DOCK2: variants seen among roughly 807,000 people sequenced by gnomAD.
The protein encoded by DOCK2 is dedicator of cytokinesis 2, also known as dedicator of cytokinesis protein 2.
DOCK2 carries 87 observed loss-of-function variants against 248.9 expected under a neutral mutation model. The ratio of observed to expected loss-of-function variants is 0.35; its 90% CI spans 0.29 to 0.42. The LOEUF (loss-of-function observed/expected upper bound fraction) is 0.42. DOCK2 is among the 10% of genes least tolerant of loss of function. DOCK2 has a pLI of 1.00. For missense variants in DOCK2, 1,747 were observed against 2,300.2 expected, an observed-to-expected ratio of 0.76 and a Z score of 4.92; for synonymous variants, 805 against 821.6, an observed-to-expected ratio of 0.98 and a Z score of 0.35.
intron 27 of DOCK2, among the ~76,000 whole-genome samples, chr5:169,912,123 A>G (rs566321638): frequency 8.5e-5 from 13 of 152,242 alleles, no homozygotes; most frequent in African/African-American, 3.1e-4. Context: ...GATACAAGGG[A>G]CCCTGGGTAT....
At chr5:169,865,687 G>A (rs974665690) in intron 27 of DOCK2, among the ~76,000 whole-genome samples, 3 of 152,222 alleles carry the variant, frequency 2.0e-5, no homozygotes, top group African/African-American at 7.2e-5. Context: ...GCCAGCGTGG[G>A]AGTGTGGGAA....
At chr5:169,701,683 T>A (rs1358228148) in intron 13 of DOCK2, among the ~76,000 whole-genome samples, 1 of 152,022 alleles carries the variant, frequency 6.6e-6, no homozygotes, top group South Asian at 2.1e-4. Context: ...CTCGGCTAAT[T>A]TTTTTGTATT....
intron 30 of DOCK2, among the ~76,000 whole-genome samples, chr5:169,998,199 G>A (rs527362639): frequency 6.6e-6 from 1 of 152,298 alleles, no homozygotes; most frequent in Non-Finnish European, 1.5e-5. Context: ...TTGTCTACCT[G>A]CGTATTTTCT....
chr5:170,030,486 A>G (rs1374412789), intron 34 of DOCK2, among the ~76,000 whole-genome samples: 1 of 152,184 alleles, frequency 6.6e-6, no homozygotes. Context: ...AATTATTAGT[A>G]GTACAGATTG....
intron 26 of DOCK2, among the ~76,000 whole-genome samples, chr5:169,805,822 T>C (rs1767323661): frequency 6.6e-6 from 1 of 152,226 alleles, no homozygotes; most frequent in Non-Finnish European, 1.5e-5. Context: ...TTGTGGCATC[T>C]GGACTTGAGG....
intron 1 of DOCK2, among the ~76,000 whole-genome samples, chr5:169,648,987 G>A (rs1010642571): frequency 6.6e-6 from 1 of 152,134 alleles, no homozygotes; most frequent in Non-Finnish European, 1.5e-5. Flanking sequence ...AGTCACCCTC[G>A]TGGATGCAAT....
At chr5:170,046,510 G>A (rs1476012717) in intron 39 of DOCK2, among the ~76,000 whole-genome samples, 2 of 152,130 alleles carry the variant, frequency 1.3e-5, no homozygotes, top group African/African-American at 4.8e-5. Flanking sequence ...CAGGACCCCA[G>A]GGACCCCTCT....
intron 27 of DOCK2, among the ~76,000 whole-genome samples, chr5:169,953,448 A>G (rs749152043): frequency 6.6e-6 from 1 of 152,158 alleles, no homozygotes; most frequent in Non-Finnish European, 1.5e-5. Flanking sequence ...AAATTGTTTC[A>G]GATCTCTAAA....
intron 44 of DOCK2, among the ~76,000 whole-genome samples, chr5:170,059,652 A>G (rs1191823566): frequency 6.6e-6 from 1 of 152,194 alleles, no homozygotes; most frequent in African/African-American, 2.4e-5. Context: ...GAAGACAGAT[A>G]TTTTGTCTAT....
rs371455117 is a variant in DOCK2, at chr5:169,643,062, G to A, written c.43+5693G>A. 2.6e-5 allele frequency among the ~76,000 whole-genome samples: 4 copies of A among 152,244 alleles called. 1 individual carries two copies. In the South Asian group the frequency reaches 6.2e-4, roughly 24 times the overall value. On this transcript the variant is annotated intron_variant, in intron 1 of 51. Coordinates refer to ENST00000520908, the MANE Select transcript of DOCK2 (RefSeq NM_004946.3). ...CACGCAACTCCAGAGGAGTCTGGGC[G>A]GAGACACCACAAATGTTCCCTTTAA...
chr5:170,046,960 A>G (rs1395417211), intron 39 of DOCK2, among the ~76,000 whole-genome samples: 2 of 152,186 alleles, frequency 1.3e-5, no homozygotes, highest in African/African-American at 2.4e-5. Context: ...TTCAGGGCCA[A>G]CTGCAGTTAT....
At chr5:170,080,581 G>T in intron 50 of DOCK2, 2 of 373,358 alleles carry the variant, frequency 5.4e-6, no homozygotes, top group Non-Finnish European at 9.9e-6. Flanking sequence ...TTCTCAGTTA[G>T]CCAGGCCTCC....
intron 33 of DOCK2, among the ~76,000 whole-genome samples, chr5:170,024,583 G>A (rs999954257): frequency 2.6e-5 from 4 of 152,050 alleles, no homozygotes; most frequent in East Asian, 1.9e-4. Flanking sequence ...TGCCTTATAC[G>A]TGTGTTTGCC....
chr5:169,864,154 G>A, intron 27 of DOCK2: 15 of 904,624 alleles, frequency 1.7e-5, no homozygotes, highest in Non-Finnish European at 2.6e-5. Context: ...TGTTTCACAG[G>A]CCAAGGGGCT....
At chr5:169,783,859 A>C (rs1192391891) in intron 25 of DOCK2, among the ~76,000 whole-genome samples, 1 of 152,220 alleles carries the variant, frequency 6.6e-6, no homozygotes, top group Non-Finnish European at 1.5e-5. Flanking sequence ...ATACTTAACT[A>C]ATTTTTAACT....
At chr5:169,676,682 C>A (rs11956275) in intron 6 of DOCK2, among the ~76,000 whole-genome samples, 2 of 152,130 alleles carry the variant, frequency 1.3e-5, no homozygotes, top group South Asian at 2.1e-4. Flanking sequence ...AGCCTGGGAA[C>A]ACCCACCTCC....
Position 169,930,426 on chromosome 5 carries a change from G to A in DOCK2, c.2800-52642G>A, listed in dbSNP as rs576055212. Among the ~76,000 whole-genome samples, 12 of 152,340 alleles carry A rather than the reference G, an allele frequency of 7.9e-5. No homozygotes were observed. The South Asian group carries it at 1.9e-3, about 24-fold the overall frequency. On this transcript the variant is annotated intron_variant, in intron 27 of 51. Transcript: ENST00000520908. ...GGACCTCAGAGCCTCTTAGGGTAAT[G>A]TGTGTCCTCTGGGATGACATTTCTT... is the stretch of plus-strand genomic sequence containing the variant.
Position 169,764,606 on chromosome 5 carries a change from T to G in DOCK2, c.2554+2981T>G, listed in dbSNP as rs1764662944. On this transcript the variant is annotated intron_variant, in intron 25 of 51. Coordinates refer to ENST00000520908, the MANE Select transcript of DOCK2 (RefSeq NM_004946.3). The surrounding 1 kb of genome is among the most constrained non-coding windows in gnomAD (Gnocchi z 4.3). ...TAAAGTACTTGACACAGCACTGGGC[T>G]CAGCATAATGTTTCATACTAAACAG... 6.6e-6 allele frequency among the ~76,000 whole-genome samples: 1 copy of G among 152,268 alleles called. No homozygotes were observed. The highest frequency in any genetic ancestry group is 6.5e-5 in the Admixed American group (1 of 15,284).
chr5:169,702,352 C>A lies in DOCK2; in HGVS notation c.1308C>A (p.Asp436Glu). 1 of 1,613,944 alleles carries A rather than the reference C, an allele frequency of 6.2e-7. No homozygotes were observed. The highest frequency in any genetic ancestry group is 1.1e-5 in the South Asian group (1 of 91,074). Residue 436 changes from aspartate (D) to glutamate (E), a missense_variant, in exon 14 of 52, where the codon GAC (aspartate) becomes GAA (glutamate). Asp to Glu is a conservative substitution (Grantham distance 45, BLOSUM62 2). This residue lies in a region of DOCK2 where 858 missense variants were observed against 1,183.5 expected (regional missense o/e 0.72). Coordinates refer to ENST00000520908, the MANE Select transcript of DOCK2 (RefSeq NM_004946.3). ...IYITLLQGDFDKYNKTTQRNV... is the reference protein window; with the variant it reads ...IYITLLQGDFEKYNKTTQRNV... ...TTACTCTCTTACAAGGTGACTTTGA[C>A]AAGTACAACAAGACCACACAGAGGA... is the stretch of plus-strand genomic sequence containing the variant.
Sources: gnomAD v4.1 joint callset for allele counts (sites outside exome capture counted in the v4.1 genomes callset) on GRCh38, gnomAD v4.1.1 for gene constraint, gnomAD v4.1.1 regional missense constraint, Gnocchi (gnomAD v3.1) non-coding constraint, MANE v1.5 for transcripts, NCBI Gene and HGNC (gene_info 2026-07-23, HGNC 2026-07-21) for gene names.